Variants in USP40 observed in about 807,000 individuals in gnomAD.
The protein encoded by USP40 is ubiquitin carboxyl-terminal hydrolase 40.
USP40 carries 143 observed loss-of-function variants against 166.2 expected under a neutral mutation model. The ratio of observed to expected loss-of-function variants is 0.86; its 90% CI spans 0.75 to 0.99. USP40 has a LOEUF of 0.99. Among genes scored for constraint, USP40 ranks in the 50% least tolerant of loss-of-function variants. The pLI is 0.00. For synonymous variants in USP40, 498 were observed against 524.0 expected (o/e 0.95, Z 0.68); for missense variants, 1,444 against 1,479.7 (o/e 0.98, Z 0.40).
intron 30 of USP40, among the ~76,000 whole-genome samples, chr2:233,484,473 CCTTTTTTTTTTTTT>C (rs891735814): frequency 6.8e-6 from 1 of 147,064 alleles, no homozygotes; most frequent in African/African-American, 2.7e-5. Flanking sequence ...TTTTGAATCT[CCTTTTTTTTTTTTT>C]CTTTTTTTTT....
chr2:233,508,037 T>C (rs1275886915), intron 21 of USP40, among the ~76,000 whole-genome samples: 1 of 152,202 alleles, frequency 6.6e-6, no homozygotes, highest in African/African-American at 2.4e-5. Flanking sequence ...GATGCTCAAC[T>C]CATATTGCCA....
intron 30 of USP40, among the ~76,000 whole-genome samples, chr2:233,482,587 T>TTTTTG (rs2064691150): frequency 6.8e-6 from 1 of 147,194 alleles, no homozygotes; most frequent in African/African-American, 2.7e-5. Flanking sequence ...CTGGAGTTTT[T>TTTTTG]TTTTTTTGTT....
intron 7 of USP40, among the ~76,000 whole-genome samples, chr2:233,550,127 C>T (rs1032266801): frequency 2.6e-5 from 4 of 151,928 alleles, no homozygotes; most frequent in South Asian, 4.2e-4. Context: ...ATATGGTGGC[C>T]GCTTGATGGG....
In USP40 at chr2:233,480,393, G is replaced by A. The variant is rs1276156453; in HGVS notation, c.3599+810C>T. On this transcript the variant is annotated intron_variant, in intron 31 of 31. Transcript: ENST00000678225. This position sits in a 1 kb window ranked among gnomAD's most constrained non-coding sequence, Gnocchi z 4.5. ...TGGGGGAGGATGAGGACGCCTGGGG[G>A]CCTCTGGTGAGGCCTGCATGGAGCT... Among the ~76,000 whole-genome samples, 1 of 152,230 alleles carries A rather than the reference G, an allele frequency of 6.6e-6. No individual in the cohort carries two copies. Among genetic ancestry groups the A allele is most frequent in the Non-Finnish European group, 1.5e-5 (1 of 68,044 alleles).
intron 11 of USP40, 151 bp downstream of exon 11, chr2:233,533,328 T>C: frequency 2.8e-6 from 2 of 721,880 alleles, no homozygotes; most frequent in Non-Finnish European, 4.3e-6. Context: ...TAGATTTCAT[T>C]TGGCATAATA....
In USP40 at chr2:233,549,189, G is replaced by A; in HGVS notation, c.878C>T (p.Ser293Leu). Residue 293 changes from serine to leucine, a missense_variant, in exon 8 of 32, where the codon TCA (serine) becomes TTA (leucine). Coordinates refer to ENST00000678225, the MANE Select transcript of USP40 (RefSeq NM_001365479.2). The stretch of plus-strand genomic sequence containing the variant: ...GCAGCCACCTTTGTGTATAATAACT[G>A]AGAAGAGGTCATATATATATTCTAA... ...DDLEYIYDLF[S>L]VIIHKGGCYG... The A allele has an allele frequency of 6.5e-7, 1 of 1,531,238 alleles. No homozygotes were observed. The highest frequency in any genetic ancestry group is 9.0e-7 in the Non-Finnish European group (1 of 1,113,600). 94.9% of individuals were successfully genotyped at this position (1,531,238 alleles called of 1,614,324 possible).
intron 4 of USP40, among the ~76,000 whole-genome samples, chr2:233,558,278 CA>C (rs927943492): frequency 1.3e-5 from 2 of 148,660 alleles, no homozygotes; most frequent in East Asian, 2.0e-4. Context: ...AGACAAAAAA[CA>C]AAAAAAATTT....
At chr2:233,491,541 G>A (rs2065338874) in intron 25 of USP40, among the ~76,000 whole-genome samples, 1 of 151,988 alleles carries the variant, frequency 6.6e-6, no homozygotes. Flanking sequence ...AGGATATGCT[G>A]GCTGCATTCT....
At chr2:233,530,881 TTC>T (rs2068468704) in intron 11 of USP40, among the ~76,000 whole-genome samples, 3 of 152,202 alleles carry the variant, frequency 2.0e-5, no homozygotes, top group African/African-American at 7.2e-5. Flanking sequence ...TGCCTTTTAA[TTC>T]TGTTTTAAGG....
In USP40 at chr2:233,485,945, C is replaced by T. The variant is rs369754257; in HGVS notation, c.3230G>A (p.Arg1077His). The T allele has an allele frequency of 2.9e-5, 46 of 1,592,164 alleles. No homozygotes were observed. The highest frequency in any genetic ancestry group is 2.8e-4 in the African/African-American group (21 of 74,168). The change falls in exon 29 of 32, where the codon CGC becomes CAC. Residue 1077 changes from arginine (R) to histidine (H), a missense_variant. By Grantham distance (29) the Arg-to-His change is conservative (BLOSUM62 0). Transcript: ENST00000678225. ...PQDVLLRTQV[R>H]IPGERTYAPA... ...GGCATAGGTCCTCTCACCAGGGATG[C>T]GCACCTGTGTCCTCAGCAGCACGTC...
Position 233,485,761 on chromosome 2 carries a change from C to G in USP40, c.3408+6G>C. 3.7e-6 allele frequency: 6 copies of G among 1,612,900 alleles called. No individual in the cohort carries two copies. Among genetic ancestry groups the G allele is most frequent in the Non-Finnish European group, 5.1e-6 (6 of 1,179,456 alleles). ...CAATTTCTCTGAGACAGCCCCACAACTTTACCCAGCTAGATATCGGAAGCC... is the reference window on the plus strand; with the variant it reads ...CAATTTCTCTGAGACAGCCCCACAAGTTTACCCAGCTAGATATCGGAAGCC... On this transcript the variant is annotated splice_donor_region_variant and intron_variant, in intron 29 of 31. Coordinates refer to ENST00000678225, the MANE Select transcript of USP40 (RefSeq NM_001365479.2).
Position 233,476,965 on chromosome 2 carries a change from C to T in USP40, c.*427G>A. 3.4e-6 allele frequency: 1 copy of T among 297,194 alleles called. No individual in the cohort carries two copies. Among genetic ancestry groups the T allele is most frequent in the Non-Finnish European group, 6.5e-6 (1 of 153,460 alleles). 18.4% of individuals were successfully genotyped at this position (297,194 alleles called of 1,614,324 possible). A position where few individuals can be genotyped will look rare whatever the true frequency, so the allele number is the denominator to read the frequency against. ...CAGTGGCCTGAGACACTGTGAGAAG[C>T]CGGTCAGGGCGAACGAGAGTCATCT... On this transcript the variant is annotated 3_prime_UTR_variant, in exon 32 of 32. Coordinates refer to ENST00000678225, the MANE Select transcript of USP40 (RefSeq NM_001365479.2).
chr2:233,535,819 T>A (rs1375532057), intron 10 of USP40, among the ~76,000 whole-genome samples: 1 of 152,178 alleles, frequency 6.6e-6, no homozygotes, highest in Non-Finnish European at 1.5e-5. Flanking sequence ...GTTGTTTTTC[T>A]TAAAAAATCT....
In USP40 at chr2:233,533,666, T is replaced by C. The variant is rs541982120; in HGVS notation, c.1284A>G (p.Gln428=). 340 of 1,613,828 alleles carry C rather than the reference T, an allele frequency of 2.1e-4. 7 individuals are homozygous for C. The South Asian group carries it at 3.5e-3, about 17-fold the overall frequency. The change falls in exon 11 of 32, where the codon CAA becomes CAG. Residue 428 remains glutamine (Q), a synonymous_variant. Transcript: ENST00000678225. ...ATTCTGGAGGAAGCATCTTGAAAAT[T>C]TGCTGGTCATTCCTTTGGAAATCAG... The part of the protein sequence containing the change: ...AESDFQRNDQ[Q]IFKMLPPESP...
Position 233,489,379 on chromosome 2 carries a change from G to A in USP40, c.3117C>T (p.Asp1039=). ...AAGGAACCTACCTGAGTGGCTGCCG[G>A]TCAGTTCGTAAAAGCCTGCCTGGGC... The part of the protein sequence containing the change: ...RKRPGRLLRT[D]RQPLREYKLG... The change falls in exon 27 of 32, where the codon GAC becomes GAT. Residue 1039 remains aspartate (D), a synonymous_variant. Transcript: ENST00000678225. 1 of 1,593,644 alleles carries A rather than the reference G, an allele frequency of 6.3e-7. No homozygotes were observed.
At chr2:233,528,236 C>T (rs1316136826) in intron 12 of USP40, among the ~76,000 whole-genome samples, 1 of 152,160 alleles carries the variant, frequency 6.6e-6, no homozygotes, top group East Asian at 1.9e-4. Context: ...GCCTCAGCCT[C>T]CTAAATTGCT....
At chr2:233,548,943 A>G (rs2070263080) in intron 8 of USP40, among the ~76,000 whole-genome samples, 158 bp downstream of exon 8, 1 of 152,156 alleles carries the variant, frequency 6.6e-6, no homozygotes, top group African/African-American at 2.4e-5. Context: ...TTATTTAGAA[A>G]TAAAAATTTA....
intron 2 of USP40, 62 bp downstream of exon 2, chr2:233,565,294 A>G (rs2072037997): frequency 7.9e-7 from 1 of 1,262,688 alleles, no homozygotes; most frequent in East Asian, 2.5e-5. Context: ...GATTTTGCAT[A>G]ATTAATTACA....
chr2:233,560,069 T>C, intron 3 of USP40, 145 bp from the exon 4 acceptor site: 1 of 541,892 alleles, frequency 1.8e-6, no homozygotes, highest in East Asian at 3.1e-5. Flanking sequence ...GAAAAACTAA[T>C]TATGATTCAG....
Sources: allele counts gnomAD v4.1 joint callset (sites outside exome capture counted in the v4.1 genomes callset), GRCh38; gene constraint gnomAD v4.1.1; non-coding constraint Gnocchi (gnomAD v3.1); transcripts MANE v1.5; gene names NCBI Gene and HGNC (gene_info 2026-07-23, HGNC 2026-07-21).